The following SAP130 variants were observed in gnomAD, a reference collection of about 807,000 sequenced individuals.
SAP130 encodes Sin3A associated protein 130, also known as histone deacetylase complex subunit SAP130.
In SAP130, 16 loss-of-function variants were observed where a neutral mutation model predicts 103.2. The observed-to-expected ratio is 0.16, with a 90% CI of 0.10 to 0.24. SAP130 has a LOEUF of 0.24. Among genes scored for constraint, SAP130 ranks in the 10% least tolerant of loss-of-function variants. The pLI, the probability that SAP130 is intolerant of heterozygous loss-of-function variation, is 1.00. For synonymous variants in SAP130, 477 were observed against 497.0 expected (o/e 0.96, Z 0.53); for missense variants, 990 against 1,359.7 (o/e 0.73, Z 4.28).
intron 6 of SAP130, among the ~76,000 whole-genome samples, chr2:128,012,351 T>C (rs1684457743): frequency 6.6e-6 from 1 of 151,982 alleles, no homozygotes; most frequent in Non-Finnish European, 1.5e-5. Context: ...ACACCTGTAG[T>C]CCCAAGTACT....
intron 14 of SAP130, among the ~76,000 whole-genome samples, chr2:127,981,309 T>C (rs1231799061): frequency 7.1e-6 from 1 of 141,686 alleles, no homozygotes; most frequent in Non-Finnish European, 1.5e-5. Context: ...CCAGTCCTCC[T>C]GCACCCCCAA....
intron 16 of SAP130, among the ~76,000 whole-genome samples, chr2:127,951,418 T>C (rs1679487002): frequency 6.6e-6 from 1 of 151,962 alleles, no homozygotes; most frequent in South Asian, 2.1e-4. Context: ...AGAAACTGCC[T>C]CACACCCAAT....
intron 16 of SAP130, among the ~76,000 whole-genome samples, chr2:127,951,055 A>G (rs1679463442): frequency 6.6e-6 from 1 of 152,214 alleles, no homozygotes; most frequent in Admixed American, 6.5e-5. Context: ...TATCGTAAAA[A>G]TCATCTGAAT....
chr2:127,978,969 T>G (rs1681667798), intron 14 of SAP130, among the ~76,000 whole-genome samples: 2 of 152,242 alleles, frequency 1.3e-5, no homozygotes, highest in Non-Finnish European at 1.5e-5. Flanking sequence ...AAGATACATG[T>G]AAGTCCCAAT....
intron 15 of SAP130, among the ~76,000 whole-genome samples, chr2:127,963,715 C>T (rs1330476054): frequency 2.6e-5 from 4 of 152,206 alleles, no homozygotes; most frequent in Admixed American, 1.3e-4. Context: ...GTGCTGTTCT[C>T]GTGATAGTAA....
intron 15 of SAP130, among the ~76,000 whole-genome samples, chr2:127,962,053 T>C (rs1256336161): frequency 2.0e-5 from 3 of 152,154 alleles, no homozygotes; most frequent in Non-Finnish European, 2.9e-5. Context: ...TTACCACACA[T>C]ACCTGGGAAA....
intron 18 of SAP130, among the ~76,000 whole-genome samples, chr2:127,947,021 G>C (rs1275636337): frequency 1.3e-5 from 2 of 150,570 alleles, no homozygotes; most frequent in Non-Finnish European, 3.0e-5. Flanking sequence ...AGGAAGGGGA[G>C]AGAAGGAGAG....
intron 2 of SAP130, 135 bp downstream of exon 2, chr2:128,026,046 A>G (rs1487192438): frequency 1.6e-6 from 1 of 637,690 alleles, no homozygotes; most frequent in East Asian, 2.8e-5. Flanking sequence ...AAATTAGAAT[A>G]GTAATATACC....
chr2:128,005,652 T>C (rs1017151762), intron 7 of SAP130, among the ~76,000 whole-genome samples: 1 of 147,440 alleles, frequency 6.8e-6, no homozygotes, highest in African/African-American at 2.5e-5. Context: ...TTTTCTTTCT[T>C]TTTTTTTTTT....
At position 128,014,720 on chromosome 2, in the gene SAP130, G is replaced by T. The variant is rs547189678; in HGVS notation, c.619+83C>A. On this transcript the variant is annotated intron_variant, in intron 5 of 20. Transcript: ENST00000643581. ...CTGCAACTTTAACAAGCTGATTCTA[G>T]ATACATTCTGTGTTACGTATTTTAC... The T allele has an allele frequency of 1.3e-5, 12 of 948,774 alleles. No individual in the cohort carries two copies. In the South Asian group the frequency reaches 1.4e-4, roughly 11 times the overall value. The allele number at this position is 948,774 out of a possible 1,614,324, so 58.8% of individuals were successfully genotyped here. A position where few individuals can be genotyped will look rare whatever the true frequency, so the allele number is the denominator to read the frequency against.
At position 127,955,465 on chromosome 2, in the gene SAP130, C is replaced by T. The variant is rs1679775612; in HGVS notation, c.2064-121G>A. 3.5e-6 allele frequency: 2 copies of T among 574,432 alleles called. No individual in the cohort carries two copies. The highest frequency in any genetic ancestry group is 5.7e-6 in the Non-Finnish European group (2 of 352,374). 35.6% of individuals were successfully genotyped at this position (574,432 alleles called of 1,614,324 possible). On this transcript the variant is annotated intron_variant, in intron 15 of 20. Transcript: ENST00000643581. The surrounding 1 kb of genome is among the most constrained non-coding windows in gnomAD (Gnocchi z 4.9). ...TCCAGCACACTGCACAATTTATACT[C>T]TATTTCCTTTTTTTAAATTTTTAAT...
Position 127,989,464 on chromosome 2 carries a change from G to C in SAP130, c.1780+100C>G, listed in dbSNP as rs946810140. The C allele has an allele frequency of 5.5e-6, 6 of 1,091,898 alleles. No individual in the cohort carries two copies. Among genetic ancestry groups the C allele is most frequent in the Middle Eastern group, 4.1e-4 (2 of 4,850 alleles). 67.6% of individuals were successfully genotyped at this position (1,091,898 alleles called of 1,614,324 possible). On this transcript the variant is annotated intron_variant, in intron 13 of 20. Coordinates refer to ENST00000643581, the MANE Select transcript of SAP130 (RefSeq NM_001330301.2). The surrounding 1 kb of genome is among the most constrained non-coding windows in gnomAD (Gnocchi z 4.6). ...ATTAATACAAAGAAGAAAAGGCCTA[G>C]AGAAATTATAAGACGACAAAGCCAG...
At chr2:127,982,608 G>A (rs1210674629) in intron 14 of SAP130, among the ~76,000 whole-genome samples, 1 of 152,208 alleles carries the variant, frequency 6.6e-6, no homozygotes. Context: ...AGTATACTTT[G>A]ATGGGCTGCT....
intron 18 of SAP130, among the ~76,000 whole-genome samples, chr2:127,948,328 G>GTTTTTTTT (rs71307269): frequency 7.9e-5 from 8 of 101,540 alleles, no homozygotes; most frequent in Non-Finnish European, 1.2e-4. Flanking sequence ...TTTCCTGTGA[G>GTTTTTTTT]TTTTTTTTTT....
At position 127,962,890 on chromosome 2, in the gene SAP130, T is replaced by TA. The variant is rs35303245; in HGVS notation, c.2064-7547dup. Reference sequence around the variant, plus strand: ...ACTTAAAGTATAATAATAATAAAATTAAAAAAAAAAAAGATGACTGGCTTG... The same window carrying TA: ...ACTTAAAGTATAATAATAATAAAATTAAAAAAAAAAAAAGATGACTGGCTTG... On this transcript the variant is annotated intron_variant, in intron 15 of 20. Coordinates refer to ENST00000643581, the MANE Select transcript of SAP130 (RefSeq NM_001330301.2). 5.3e-3 allele frequency among the ~76,000 whole-genome samples: 749 copies of TA among 140,380 alleles called. 3 individuals are homozygous for TA. The highest frequency in any genetic ancestry group is 0.027 in the South Asian group (126 of 4,606). 92.1% of individuals were successfully genotyped at this position (140,380 alleles called of 152,430 possible).
intron 12 of SAP130, among the ~76,000 whole-genome samples, chr2:127,992,280 T>C (rs1359903187): frequency 2.1e-5 from 3 of 142,458 alleles, no homozygotes; most frequent in Non-Finnish European, 4.6e-5. Flanking sequence ...CCCCAGGCAA[T>C]AAGGCTTTTT....
chr2:128,010,894 A>G (rs1684343806), intron 6 of SAP130, among the ~76,000 whole-genome samples: 1 of 151,138 alleles, frequency 6.6e-6, no homozygotes, highest in African/African-American at 2.4e-5. Context: ...AAAAAAGACT[A>G]AGAGTCAGAA....
rs1453207897 is a variant in SAP130 at position 127,941,764 on chromosome 2, T to C, written c.*242A>G. ...CTGGTGGACACTGATGCATCCGGAG[T>C]CACTTATGACACAGATCAGGTTTAA... On this transcript the variant is annotated 3_prime_UTR_variant, in exon 21 of 21. Transcript: ENST00000643581. 5.1e-5 allele frequency: 25 copies of C among 487,330 alleles called. No individual in the cohort carries two copies. The highest frequency in any genetic ancestry group is 6.4e-5 in the Non-Finnish European group (18 of 279,498). The allele number at this position is 487,330 out of a possible 1,614,324, so 30.2% of individuals were successfully genotyped here.
In SAP130 at chr2:127,986,727, T is replaced by C. The variant is rs1682421959; in HGVS notation, c.1958+58A>G. On this transcript the variant is annotated intron_variant, in intron 14 of 20. Transcript: ENST00000643581. The surrounding 1 kb of genome is among the most constrained non-coding windows in gnomAD (Gnocchi z 4.7). ...CAGCATTAGATAAGAGTGCCTATTA[T>C]GTATACCAGTTATATCCAGAACCAG... The C allele has an allele frequency of 6.5e-7, 1 of 1,532,732 alleles. No individual in the cohort carries two copies. The allele number at this position is 1,532,732 out of a possible 1,614,324, so 94.9% of individuals were successfully genotyped here.
Sources: allele counts gnomAD v4.1 joint callset (sites outside exome capture counted in the v4.1 genomes callset), GRCh38; gene constraint gnomAD v4.1.1; non-coding constraint Gnocchi (gnomAD v3.1); transcripts MANE v1.5; gene names NCBI Gene and HGNC (gene_info 2026-07-23, HGNC 2026-07-21).